The following SPTAN1 variants were observed in gnomAD, a reference collection of about 807,000 sequenced individuals.
SPTAN1 encodes spectrin alpha chain, non-erythrocytic 1.
SPTAN1 carries 61 observed loss-of-function variants against 331.3 expected under a neutral mutation model. The ratio of observed to expected loss-of-function variants is 0.18; its 90% confidence interval spans 0.15 to 0.23. The LOEUF (loss-of-function observed/expected upper bound fraction) is 0.23. Ranked by LOEUF, SPTAN1 falls within the 10% of genes least tolerant of loss-of-function variation. SPTAN1 has a pLI of 1.00. For synonymous variants in SPTAN1, 1,153 were observed against 1,173.9 expected (o/e 0.98, Z 0.36); for missense variants, 2,043 against 3,147.9 (o/e 0.65, Z 8.40).
At chr9:128,554,760 G>A (rs1383676380) in intron 1 of SPTAN1, among the ~76,000 whole-genome samples, 4 of 152,238 alleles carry the variant, frequency 2.6e-5, no homozygotes, top group African/African-American at 9.7e-5. Context: ...GAGGAGGACT[G>A]CATAGCTCAT....
chr9:128,554,958 A>T (rs1848477518), intron 1 of SPTAN1, among the ~76,000 whole-genome samples: 1 of 152,240 alleles, frequency 6.6e-6, no homozygotes, highest in South Asian at 2.1e-4. Context: ...TCATGAAGTC[A>T]TGCTCTTTTA....
intron 21 of SPTAN1, among the ~76,000 whole-genome samples, chr9:128,590,004 G>A (rs1853262970): frequency 6.6e-6 from 1 of 152,136 alleles, no homozygotes; most frequent in South Asian, 2.1e-4. Flanking sequence ...ATCCATCCTG[G>A]TCCACCAGCC....
intron 19 of SPTAN1, 42 bp downstream of exon 19, chr9:128,586,007 A>G: frequency 6.3e-7 from 1 of 1,583,304 alleles, no homozygotes; most frequent in Non-Finnish European, 8.7e-7. Flanking sequence ...AGGGAAGTGG[A>G]ACAGGGCTTG....
rs1005411079 is a variant in SPTAN1, at chr9:128,627,749, C to T, written c.6690-176C>T. The T allele has an allele frequency of 3.8e-5, 33 of 859,922 alleles. No homozygotes were observed. In the African/African-American group the frequency reaches 4.6e-4, roughly 12 times the overall value. The allele number at this position is 859,922 out of a possible 1,614,324, so 53.3% of individuals were successfully genotyped here. On this transcript the variant is annotated intron_variant, in intron 50 of 56. Coordinates refer to ENST00000372739, the MANE Select transcript of SPTAN1 (RefSeq NM_001130438.3). This position sits in a 1 kb window ranked among gnomAD's most constrained non-coding sequence, Gnocchi z 4.9. ...CCGGATTGAGTGGGACCATGCAGGGCGCGTGGTCAGCCCCAGCCATGACTT... is the reference window on the plus strand; with the variant it reads ...CCGGATTGAGTGGGACCATGCAGGGTGCGTGGTCAGCCCCAGCCATGACTT...
chr9:128,564,482 C>T (rs1382577046), intron 1 of SPTAN1, among the ~76,000 whole-genome samples: 7 of 151,532 alleles, frequency 4.6e-5, no homozygotes, highest in Non-Finnish European at 1.5e-5. Context: ...AAGTGGGAGG[C>T]TGAGGTGGAA....
At chr9:128,560,323 A>G (rs1287141371) in intron 1 of SPTAN1, among the ~76,000 whole-genome samples, 1 of 150,382 alleles carries the variant, frequency 6.6e-6, no homozygotes, top group Non-Finnish European at 1.5e-5. Context: ...AGCTAAGGCA[A>G]TCCACCCCCT....
chr9:128,630,050 T>C (rs1186198135), intron 51 of SPTAN1: 19 of 613,340 alleles, frequency 3.1e-5, no homozygotes, highest in Admixed American at 1.1e-4. Flanking sequence ...ACTCCATTCC[T>C]GAGTCATCCT....
chr9:128,604,305 T>C, intron 28 of SPTAN1, 21 bp from the exon 29 acceptor site: 1 of 1,612,920 alleles, frequency 6.2e-7, no homozygotes, highest in Non-Finnish European at 8.5e-7. Flanking sequence ...GCAGTGGAGC[T>C]GATGTTTTGC....
chr9:128,631,841 G>T, intron 52 of SPTAN1: 1 of 442,132 alleles, frequency 2.3e-6, no homozygotes, highest in Non-Finnish European at 4.1e-6. Flanking sequence ...AAAATCTTTG[G>T]CCACTGCTTC....
chr9:128,560,414 T>A (rs1849177349), intron 1 of SPTAN1, among the ~76,000 whole-genome samples: 1 of 146,520 alleles, frequency 6.8e-6, no homozygotes, highest in African/African-American at 2.5e-5. Context: ...GGAGTCTAGC[T>A]CTGTCACCCA....
intron 24 of SPTAN1, 49 bp downstream of exon 24, chr9:128,594,422 T>C: frequency 1.6e-6 from 2 of 1,260,938 alleles, no homozygotes; most frequent in Non-Finnish European, 2.2e-6. Flanking sequence ...AAGATTTGAG[T>C]CTCTTGATTT....
At chr9:128,555,381 T>G in intron 1 of SPTAN1, 4 of 1,289,706 alleles carry the variant, frequency 3.1e-6, no homozygotes, top group Non-Finnish European at 4.0e-6. Context: ...TGTCATCGTT[T>G]CGTAAACGCA....
intron 31 of SPTAN1, among the ~76,000 whole-genome samples, chr9:128,606,055 T>C (rs1855805444): frequency 6.6e-6 from 1 of 151,350 alleles, no homozygotes; most frequent in South Asian, 2.1e-4. Context: ...ATAGTCAAAC[T>C]ACTGAATGCC....
At chr9:128,582,428 A>C in intron 12 of SPTAN1, 51 bp from the exon 13 acceptor site, 3 of 1,545,718 alleles carry the variant, frequency 1.9e-6, no homozygotes, top group Non-Finnish European at 2.7e-6. Flanking sequence ...CCAGAGGCCA[A>C]GCTTGGGACT....
At chr9:128,621,375 G>T in intron 45 of SPTAN1, 119 bp downstream of exon 45, 2 of 799,872 alleles carry the variant, frequency 2.5e-6, no homozygotes, top group Non-Finnish European at 4.3e-6. Flanking sequence ...TCTGCGTGGA[G>T]ACCAGCAGCA....
At chr9:128,605,202 C>T in intron 30 of SPTAN1, 24 bp downstream of exon 30, 1 of 1,614,114 alleles carries the variant, frequency 6.2e-7, no homozygotes, top group South Asian at 1.1e-5. Flanking sequence ...AAGTCATCTT[C>T]TGTCTGGCAT....
chr9:128,606,028 T>C (rs1470889100), intron 31 of SPTAN1, among the ~76,000 whole-genome samples: 1 of 151,368 alleles, frequency 6.6e-6, no homozygotes, highest in Non-Finnish European at 1.5e-5. Context: ...AAAAAAGTAG[T>C]ACATAATCAA....
At chr9:128,585,599 C>A in intron 18 of SPTAN1, 149 bp from the exon 19 acceptor site, 1 of 719,114 alleles carries the variant, frequency 1.4e-6, no homozygotes, top group South Asian at 1.5e-5. Flanking sequence ...AGAACCTGAG[C>A]CTCTCAAAAA....
chr9:128,599,076 T>C, intron 26 of SPTAN1, 90 bp downstream of exon 26: 1 of 1,274,750 alleles, frequency 7.8e-7, no homozygotes, highest in Non-Finnish European at 1.1e-6. Context: ...TTCATCAGAA[T>C]TGCTGTTCCT....
Sources: gnomAD v4.1 joint callset for allele counts (sites outside exome capture counted in the v4.1 genomes callset) on GRCh38, gnomAD v4.1.1 for gene constraint, Gnocchi (gnomAD v3.1) non-coding constraint, MANE v1.5 for transcripts, NCBI Gene and HGNC (gene_info 2026-07-23, HGNC 2026-07-21) for gene names.